The following SCD5 variants were observed in gnomAD, a reference collection of about 807,000 sequenced individuals.
The protein encoded by SCD5 is acyl-CoA-desaturase 4.
SCD5 carries 20 observed loss-of-function variants against 30.4 expected under a neutral mutation model. The ratio of observed to expected loss-of-function variants is 0.66; its 90% CI spans 0.46 to 0.96. SCD5 has a LOEUF of 0.96. Ranked by LOEUF, SCD5 falls within the 40% of genes least tolerant of loss-of-function variation. The pLI is 0.00. For synonymous variants in SCD5, 173 were observed against 176.4 expected (o/e 0.98, Z 0.16); for missense variants, 381 against 443.3 (o/e 0.86, Z 1.26).
rs774985823 is a variant in SCD5 at position 82,631,213 on chromosome 4, C to T, written c.*114G>A. On this transcript the variant is annotated 3_prime_UTR_variant, in exon 5 of 5. Coordinates refer to ENST00000319540, the MANE Select transcript of SCD5 (RefSeq NM_001037582.3). ...AAAACATTCCCAAACCACATTGACT[C>T]GTTCCTTCCCCACCCTCTGCCCCCT... 33 of 768,898 alleles carry T rather than the reference C, an allele frequency of 4.3e-5. No individual in the cohort carries two copies. Among genetic ancestry groups the T allele is most frequent in the Non-Finnish European group, 6.5e-5 (33 of 508,670 alleles). The allele number at this position is 768,898 out of a possible 1,614,324, so 47.6% of individuals were successfully genotyped here.
chr4:82,730,276 T>TAA (rs145927310), intron 1 of SCD5, among the ~76,000 whole-genome samples: 1 of 146,662 alleles, frequency 6.8e-6, no homozygotes, highest in African/African-American at 2.5e-5. Flanking sequence ...TATATATAGT[T>TAA]ATATATACTA....
At chr4:82,726,438 A>G (rs1396878817) in intron 1 of SCD5, among the ~76,000 whole-genome samples, 2 of 149,806 alleles carry the variant, frequency 1.3e-5, no homozygotes, top group African/African-American at 4.9e-5. Flanking sequence ...AAAAAAAACA[A>G]TTACCTTGGA....
At chr4:82,661,636 T>A (rs933265727) in intron 3 of SCD5, among the ~76,000 whole-genome samples, 1 of 152,224 alleles carries the variant, frequency 6.6e-6, no homozygotes, top group Admixed American at 6.5e-5. Flanking sequence ...TCACTCCGTG[T>A]CTTGCCTTAA....
intron 1 of SCD5, among the ~76,000 whole-genome samples, chr4:82,774,820 C>T (rs1349514420): frequency 6.6e-6 from 1 of 152,154 alleles, no homozygotes; most frequent in Non-Finnish European, 1.5e-5. Flanking sequence ...ATTAAAGTGA[C>T]TAATAAGAGC....
chr4:82,641,779 G>A (rs1467141960), intron 3 of SCD5, among the ~76,000 whole-genome samples: 3 of 152,160 alleles, frequency 2.0e-5, no homozygotes, highest in African/African-American at 7.2e-5. Context: ...TCATGGAGGT[G>A]GTGAGAAATG....
chr4:82,635,513 C>T (rs1043051461), intron 4 of SCD5, among the ~76,000 whole-genome samples: 2 of 148,346 alleles, frequency 1.3e-5, no homozygotes, highest in African/African-American at 2.5e-5. Flanking sequence ...CCCAGCTACT[C>T]GGGAGGCTGA....
rs574243592 is a variant in SCD5 at position 82,798,405 on chromosome 4, T to C, written c.133A>G (p.Ile45Val). The C allele has an allele frequency of 1.9e-6, 3 of 1,613,188 alleles. No individual in the cohort carries two copies. The highest frequency in any genetic ancestry group is 1.7e-5 in the Admixed American group (1 of 60,006). The stretch of plus-strand genomic sequence containing the variant: ...ATCAGGACGACATTCCTCCAGACGA[T>C]GTTCTGCCGCTGCCCGCGCGCGCCT... ...RPGARGQRQN[I>V]VWRNVVLMSL... The change falls in exon 1 of 5, where the codon ATC (isoleucine) becomes GTC (valine). Residue 45 changes from isoleucine (I) to valine (V), a missense_variant. Ile to Val is a conservative substitution (Grantham distance 29). Coordinates refer to ENST00000319540, the MANE Select transcript of SCD5 (RefSeq NM_001037582.3).
chr4:82,794,890 A>G (rs1256737382), intron 1 of SCD5, among the ~76,000 whole-genome samples: 1 of 151,950 alleles, frequency 6.6e-6, no homozygotes, highest in Non-Finnish European at 1.5e-5. Flanking sequence ...TGACCTTGTG[A>G]TCAGCCCGCC....
In SCD5 at chr4:82,636,669, C is replaced by T. The variant is rs762692893; in HGVS notation, c.724G>A (p.Ala242Thr). 29 of 1,614,136 alleles carry T rather than the reference C, an allele frequency of 1.8e-5. No homozygotes were observed. The highest frequency in any genetic ancestry group is 4.0e-5 in the African/African-American group (3 of 74,998). Residue 242 changes from alanine to threonine, a missense_variant, in exon 4 of 5, where the codon GCC becomes ACC. Transcript: ENST00000319540. Reference protein sequence around the residue: ...LNISWLVNSAAHMYGNRPYDK... With the variant: ...LNISWLVNSATHMYGNRPYDK... ...TAGGGCCGGTTTCCATACATGTGGG[C>T]GGCGCTGTTGACCAGCCAGCTGATG...
intron 2 of SCD5, among the ~76,000 whole-genome samples, chr4:82,698,747 C>G (rs959219614): frequency 1.9e-4 from 29 of 152,226 alleles, no homozygotes; most frequent in Admixed American, 1.9e-3. Context: ...ACCCTCCTCT[C>G]CTTCAGGTCT....
intron 4 of SCD5, among the ~76,000 whole-genome samples, chr4:82,633,216 G>T (rs1440808737): frequency 6.6e-6 from 1 of 152,074 alleles, no homozygotes; most frequent in Non-Finnish European, 1.5e-5. Flanking sequence ...ATTCCACATA[G>T]AAGTGAGATC....
chr4:82,792,264 GA>G (rs35338795), intron 1 of SCD5, among the ~76,000 whole-genome samples: 23,126 of 144,666 alleles, frequency 0.16, 1,838 homozygotes, highest in African/African-American at 0.21. Context: ...ACTCCATCTA[GA>G]AAAAAAAAAA....
At chr4:82,672,027 T>G (rs1728337616) in intron 3 of SCD5, among the ~76,000 whole-genome samples, 1 of 152,124 alleles carries the variant, frequency 6.6e-6, no homozygotes, top group African/African-American at 2.4e-5. Flanking sequence ...GAACAAAACT[T>G]ATCAAAATTT....
At chr4:82,662,083 C>T (rs55747134) in intron 3 of SCD5, among the ~76,000 whole-genome samples, 1,775 of 152,258 alleles carry the variant, frequency 0.012, 37 homozygotes, top group African/African-American at 0.04. Context: ...GACAGGGTCT[C>T]CCTGTGTCAC....
intron 4 of SCD5, among the ~76,000 whole-genome samples, chr4:82,633,087 T>G (rs1401037773): frequency 1.3e-5 from 2 of 152,220 alleles, no homozygotes; most frequent in Non-Finnish European, 2.9e-5. Context: ...GTAGACCTCT[T>G]GAACTTGTTC....
At chr4:82,777,964 ACCCAAATG>A (rs1013445298) in intron 1 of SCD5, among the ~76,000 whole-genome samples, 4 of 147,984 alleles carry the variant, frequency 2.7e-5, no homozygotes, top group Non-Finnish European at 5.9e-5. Flanking sequence ...CATGGAACCA[ACCCAAATG>A]CCCATCAATA....
chr4:82,634,563 C>G (rs17005919), intron 4 of SCD5, among the ~76,000 whole-genome samples: 1 of 151,918 alleles, frequency 6.6e-6, no homozygotes, highest in African/African-American at 2.4e-5. Flanking sequence ...TTTTCAGAAA[C>G]AGACATTATG....
chr4:82,742,074 G>A (rs529558819), intron 1 of SCD5, among the ~76,000 whole-genome samples: 15 of 139,760 alleles, frequency 1.1e-4, no homozygotes, highest in African/African-American at 3.9e-4. Flanking sequence ...AAGAGAGTCC[G>A]TCTCAAAAAA....
At chr4:82,702,979 C>T (rs1044579135) in intron 2 of SCD5, among the ~76,000 whole-genome samples, 2 of 152,196 alleles carry the variant, frequency 1.3e-5, no homozygotes, top group Non-Finnish European at 2.9e-5. Context: ...GTACCTTCCA[C>T]CTAGGTCTAA....
Sources: allele counts gnomAD v4.1 joint callset (sites outside exome capture counted in the v4.1 genomes callset), GRCh38; gene constraint gnomAD v4.1.1; transcripts MANE v1.5; gene names NCBI Gene and HGNC (gene_info 2026-07-23, HGNC 2026-07-21).